CTTNBP2: variants seen among roughly 807,000 people sequenced by gnomAD.
The protein encoded by CTTNBP2 is cortactin binding protein 2.
In CTTNBP2, 108 loss-of-function variants were observed where a neutral mutation model predicts 156.9. The observed-to-expected ratio is 0.69, with a 90% CI of 0.59 to 0.81. The LOEUF (loss-of-function observed/expected upper bound fraction) is 0.81, where lower values mean the gene tolerates loss of function less well. Ranked by LOEUF, CTTNBP2 falls within the 30% of genes least tolerant of loss-of-function variation. The pLI is 0.00. For synonymous variants in CTTNBP2, 767 were observed against 751.8 expected, an observed-to-expected ratio of 1.02 and a Z score of -0.33; for missense variants, 1,924 against 2,035.4, an observed-to-expected ratio of 0.95 and a Z score of 1.05.
At chr7:117,821,778 G>A (rs564981741) in intron 2 of CTTNBP2, among the ~76,000 whole-genome samples, 280 of 152,086 alleles carry the variant, frequency 1.8e-3, no homozygotes, top group Middle Eastern at 3.4e-3. Flanking sequence ...TTTTAGTAGA[G>A]ATGGGGTTTC....
chr7:117,854,620 A>G (rs1044849847), intron 2 of CTTNBP2, among the ~76,000 whole-genome samples: 2 of 152,220 alleles, frequency 1.3e-5, no homozygotes, highest in Non-Finnish European at 2.9e-5. Flanking sequence ...AATATGTAAT[A>G]CATTTTGAAA....
At position 117,869,853 on chromosome 7, in the gene CTTNBP2, A is replaced by C. The variant is rs547881209; in HGVS notation, c.81+3482T>G. Among the ~76,000 whole-genome samples the C allele has an allele frequency of 3.9e-5, 6 of 152,342 alleles. No homozygotes were observed. The East Asian group carries it at 9.6e-4, about 24-fold the overall frequency. On this transcript the variant is annotated intron_variant, in intron 1 of 22. Transcript: ENST00000160373. Reference sequence around the variant, plus strand: ...AAACAGTTATATTCTCATCTTTGGAAAAATATTCCAGTCAATTTCCTCAAC... The same window carrying C: ...AAACAGTTATATTCTCATCTTTGGACAAATATTCCAGTCAATTTCCTCAAC...
chr7:117,844,662 G>C (rs1357509047), intron 2 of CTTNBP2, among the ~76,000 whole-genome samples: 1 of 152,182 alleles, frequency 6.6e-6, no homozygotes, highest in Admixed American at 6.5e-5. Flanking sequence ...AGGGAAGGCA[G>C]GGTGGATTTG....
Position 117,777,496 on chromosome 7 carries a change from T to C in CTTNBP2, c.2778+15A>G, listed in dbSNP as rs1212601988. The C allele has an allele frequency of 1.9e-6, 3 of 1,608,042 alleles. No individual in the cohort carries two copies. Among genetic ancestry groups the C allele is most frequent in the Admixed American group, 3.3e-5 (2 of 59,884 alleles). ...ATTACAGCTGCATGATGAGGCCAGC[T>C]GCTACCAGACACACCTTAAAACCTT... On this transcript the variant is annotated intron_variant, in intron 8 of 22. Transcript: ENST00000160373.
intron 2 of CTTNBP2, among the ~76,000 whole-genome samples, chr7:117,833,091 A>G (rs1207643560): frequency 2.6e-5 from 4 of 152,182 alleles, no homozygotes; most frequent in Non-Finnish European, 5.9e-5. Flanking sequence ...ACATCAAGCC[A>G]CTATCTCCCT....
intron 2 of CTTNBP2, among the ~76,000 whole-genome samples, chr7:117,836,511 T>C (rs552842342): frequency 2.2e-4 from 34 of 152,188 alleles, no homozygotes; most frequent in East Asian, 1.5e-3. Context: ...GGCAGTGAGC[T>C]GAGATCGCGC....
intron 3 of CTTNBP2, among the ~76,000 whole-genome samples, chr7:117,805,629 T>C (rs1324075613): frequency 2.0e-5 from 3 of 152,190 alleles, no homozygotes; most frequent in Non-Finnish European, 4.4e-5. Flanking sequence ...AATTTAATCA[T>C]ATAATTTTGA....
At position 117,770,374 on chromosome 7, in the gene CTTNBP2, A is replaced by G. The variant is rs182947780; in HGVS notation, c.2779-3198T>C. 2.0e-5 allele frequency among the ~76,000 whole-genome samples: 3 copies of G among 152,358 alleles called. No homozygotes were observed. The East Asian group carries it at 5.8e-4, about 29-fold the overall frequency. ...CATGAATGTCAGTCCCCAGGAGAGT[A>G]GCACATAGCCAAACACTACTACAAG... On this transcript the variant is annotated intron_variant, in intron 8 of 22. Coordinates refer to ENST00000160373, the MANE Select transcript of CTTNBP2 (RefSeq NM_033427.3).
intron 1 of CTTNBP2, among the ~76,000 whole-genome samples, chr7:117,866,084 G>A (rs1296421365): frequency 6.6e-6 from 1 of 151,716 alleles, no homozygotes; most frequent in African/African-American, 2.4e-5. Flanking sequence ...CAAGCGTGGG[G>A]AGGGCATTCT....
intron 2 of CTTNBP2, among the ~76,000 whole-genome samples, 159 bp downstream of exon 2, chr7:117,861,050 A>G (rs959394488): frequency 6.6e-6 from 1 of 152,180 alleles, no homozygotes; most frequent in Non-Finnish European, 1.5e-5. Flanking sequence ...TGGGCTTATA[A>G]AAGTTATGGG....
intron 9 of CTTNBP2, among the ~76,000 whole-genome samples, chr7:117,766,488 C>T (rs1023254769): frequency 2.3e-4 from 35 of 152,256 alleles, no homozygotes; most frequent in African/African-American, 7.9e-4. Context: ...ATTACTGATA[C>T]AGCTGGCTGA....
At chr7:117,856,112 T>C (rs1399926596) in intron 2 of CTTNBP2, among the ~76,000 whole-genome samples, 1 of 152,212 alleles carries the variant, frequency 6.6e-6, no homozygotes, top group East Asian at 1.9e-4. Context: ...CCTTCTTCCA[T>C]AGTACTACAG....
intron 14 of CTTNBP2, among the ~76,000 whole-genome samples, chr7:117,739,100 AT>A (rs1795858700): frequency 6.6e-6 from 1 of 152,172 alleles, no homozygotes; most frequent in South Asian, 2.1e-4. Flanking sequence ...TCAGTTTTTC[AT>A]TAGTACCTAC....
At chr7:117,754,393 T>A (rs1001648941) in intron 12 of CTTNBP2, among the ~76,000 whole-genome samples, 3 of 152,212 alleles carry the variant, frequency 2.0e-5, no homozygotes, top group African/African-American at 4.8e-5. Context: ...TGATATTTTT[T>A]AAATCTGCCT....
chr7:117,732,477 C>T (rs891086938), intron 16 of CTTNBP2, among the ~76,000 whole-genome samples: 5 of 145,422 alleles, frequency 3.4e-5, no homozygotes, highest in African/African-American at 5.6e-5. Context: ...GGTGAAACCC[C>T]GTCTCTACTG....
intron 17 of CTTNBP2, among the ~76,000 whole-genome samples, chr7:117,727,079 T>C (rs1490032613): frequency 1.3e-5 from 2 of 152,248 alleles, no homozygotes; most frequent in Non-Finnish European, 2.9e-5. Flanking sequence ...GTGGTAATTA[T>C]ATCAATAAGT....
chr7:117,834,363 A>G (rs1584513834), intron 2 of CTTNBP2, among the ~76,000 whole-genome samples: 2 of 152,226 alleles, frequency 1.3e-5, no homozygotes, highest in East Asian at 3.9e-4. Flanking sequence ...GCTGGAATGT[A>G]TTTTCATATG....
rs1185646980 is a variant in CTTNBP2 at position 117,711,729 on chromosome 7, T to C, written c.4800A>G (p.Ser1600=). ...HQTTECSNSK[S]KTELGVSRVK... is the part of the protein sequence containing the mutation. The stretch of plus-strand genomic sequence containing the variant: ...CTCTTGAAACACCCAACTCAGTCTT[T>C]GATTTACTGTTGCTGCATTCAGTAG... Residue 1600 remains serine, a synonymous_variant, in exon 23 of 23, where the codon TCA becomes TCG. Coordinates refer to ENST00000160373, the MANE Select transcript of CTTNBP2 (RefSeq NM_033427.3). 3 of 1,613,888 alleles carry C rather than the reference T, an allele frequency of 1.9e-6. No homozygotes were observed. Among genetic ancestry groups the C allele is most frequent in the East Asian group, 4.5e-5 (2 of 44,886 alleles).
intron 2 of CTTNBP2, among the ~76,000 whole-genome samples, chr7:117,859,175 CAT>C (rs1419030008): frequency 1.3e-5 from 2 of 152,138 alleles, no homozygotes; most frequent in Non-Finnish European, 2.9e-5. Context: ...AAGGTGATAA[CAT>C]ATTTTATGAA....
Sources: allele counts gnomAD v4.1 joint callset (sites outside exome capture counted in the v4.1 genomes callset), GRCh38; gene constraint gnomAD v4.1.1; transcripts MANE v1.5; gene names NCBI Gene and HGNC (gene_info 2026-07-23, HGNC 2026-07-21).